TBC1D30: variants seen among roughly 807,000 people sequenced by gnomAD.
TBC1D30 encodes TBC1 domain family, member 30.
In TBC1D30, 31 loss-of-function variants were observed where a neutral mutation model predicts 63.2. The ratio of observed to expected loss-of-function variants is 0.49; its 90% CI spans 0.37 to 0.66. The LOEUF (loss-of-function observed/expected upper bound fraction) is 0.66, where lower values mean the gene tolerates loss of function less well. Ranked by LOEUF, TBC1D30 falls within the 30% of genes least tolerant of loss-of-function variation. The probability of loss-of-function intolerance (pLI) is 0.00; values close to 1 mark genes in which losing one functional copy is unlikely to be tolerated. For missense variants in TBC1D30, 810 were observed against 953.6 expected (o/e 0.85, Z 1.98); for synonymous variants, 307 against 361.5 (o/e 0.85, Z 1.71).
At chr12:64,842,253 G>C (rs906481936) in intron 7 of TBC1D30, among the ~76,000 whole-genome samples, 4 of 152,104 alleles carry the variant, frequency 2.6e-5, no homozygotes, top group African/African-American at 4.8e-5. Context: ...CAACTACTCG[G>C]GAGGCTGAGG....
rs186888433 is a variant in TBC1D30 at position 64,854,384 on chromosome 12, C to T, written c.1039-10284C>T. Among the ~76,000 whole-genome samples the T allele has an allele frequency of 8.0e-4, 122 of 152,242 alleles. No individual in the cohort carries two copies. The Middle Eastern group carries it at 0.014, about 17-fold the overall frequency. ...AACTAATAAAAACTCCATACTTTAA[C>T]TTTGTCCCTCTGCTTTTTAACTCCT... On this transcript the variant is annotated intron_variant, in intron 8 of 11. Transcript: ENST00000539867.
intron 8 of TBC1D30, among the ~76,000 whole-genome samples, chr12:64,853,052 A>T (rs537626128): frequency 6.6e-6 from 1 of 152,336 alleles, no homozygotes; most frequent in Non-Finnish European, 1.5e-5. Flanking sequence ...CAGAGCCAGC[A>T]GGGAGGAACA....
At chr12:64,854,805 CT>C (rs1248616858) in intron 8 of TBC1D30, among the ~76,000 whole-genome samples, 1 of 152,118 alleles carries the variant, frequency 6.6e-6, no homozygotes, top group African/African-American at 2.4e-5. Flanking sequence ...ATCATTTAGT[CT>C]TTCTACTTAG....
chr12:64,817,106 T>G (rs144023420), intron 2 of TBC1D30, among the ~76,000 whole-genome samples: 111 of 152,208 alleles, frequency 7.3e-4, no homozygotes, highest in Admixed American at 2.4e-3. Context: ...ACCAAGTGAG[T>G]GAGGGCACTA....
chr12:64,784,114 A>C (rs1871429446), intron 1 of TBC1D30, among the ~76,000 whole-genome samples: 3 of 151,794 alleles, frequency 2.0e-5, no homozygotes, highest in Non-Finnish European at 4.4e-5. Context: ...CTATGTTTAA[A>C]ATTAGGGGGA....
intron 8 of TBC1D30, among the ~76,000 whole-genome samples, chr12:64,856,248 G>GA (rs1259452899): frequency 6.6e-6 from 1 of 152,260 alleles, no homozygotes; most frequent in East Asian, 1.9e-4. Flanking sequence ...ATCACCAAGG[G>GA]AATGGCTCAA....
At chr12:64,870,851 A>C (rs1018812405) in intron 11 of TBC1D30, 43 bp downstream of exon 11, 1 of 1,525,148 alleles carries the variant, frequency 6.6e-7, no homozygotes, top group Non-Finnish European at 8.8e-7. Context: ...CTCTATCTCA[A>C]CTTGTAAAAT....
At position 64,845,464 on chromosome 12, in the gene TBC1D30, T is replaced by C. The variant is rs929169453; in HGVS notation, c.1038+1979T>C. Among the ~76,000 whole-genome samples, 4 of 152,084 alleles carry C rather than the reference T, an allele frequency of 2.6e-5. No homozygotes were observed. In the South Asian group the frequency reaches 6.3e-4, roughly 24 times the overall value. ...CCTGGGGGCTGAGCGCGGTGGCTCA[T>C]GCCTGTAATCCCAGCGCTTTGGGAG... On this transcript the variant is annotated intron_variant, in intron 8 of 11. Coordinates refer to ENST00000539867, the MANE Select transcript of TBC1D30 (RefSeq NM_015279.2).
At chr12:64,852,620 G>A (rs1407270591) in intron 8 of TBC1D30, among the ~76,000 whole-genome samples, 1 of 152,092 alleles carries the variant, frequency 6.6e-6, no homozygotes, top group Non-Finnish European at 1.5e-5. Flanking sequence ...CATTTTCATG[G>A]ATTTATCTAT....
At chr12:64,865,593 C>T (rs1878141855) in intron 9 of TBC1D30, among the ~76,000 whole-genome samples, 2 of 152,012 alleles carry the variant, frequency 1.3e-5, no homozygotes, top group Non-Finnish European at 2.9e-5. Context: ...TGGTGGCTCA[C>T]GCCCGTAATC....
At chr12:64,840,004 C>CAAAAAAAAAAAAAAAAAAAAAAAAAAAAA (rs60440376) in intron 7 of TBC1D30, among the ~76,000 whole-genome samples, 8 of 98,348 alleles carry the variant, frequency 8.1e-5, no homozygotes, top group African/African-American at 2.6e-4. Flanking sequence ...GACTCTGTCT[C>CAAAAAAAAAAAAAAAAAAAAAAAAAAAAA]AAAAAAAAAA....
chr12:64,851,100 C>T lies in TBC1D30; in HGVS notation c.1038+7615C>T, dbSNP rs144002366. Among the ~76,000 whole-genome samples, 135 of 152,118 alleles carry T rather than the reference C, an allele frequency of 8.9e-4. 1 individual carries two copies. The East Asian group carries it at 0.021, about 23-fold the overall frequency. On this transcript the variant is annotated intron_variant, in intron 8 of 11. Transcript: ENST00000539867. ...TCTCTGATGGTAGTTTGTGTTTCTG[C>T]GGGATCAGTGATGATATTTCCTGTA...
At chr12:64,843,633 T>G in intron 8 of TBC1D30, 148 bp downstream of exon 8, 1 of 608,766 alleles carries the variant, frequency 1.6e-6, no homozygotes, top group Non-Finnish European at 2.9e-6. Context: ...TATAATTTGA[T>G]AAGAATCTAT....
intron 5 of TBC1D30, among the ~76,000 whole-genome samples, chr12:64,835,255 A>G (rs1256984008): frequency 6.6e-6 from 1 of 152,206 alleles, no homozygotes; most frequent in Non-Finnish European, 1.5e-5. Flanking sequence ...ACAGCAAAGG[A>G]GAGGGTCCTC....
chr12:64,772,980 T>G (rs1870959711), intron 1 of TBC1D30, among the ~76,000 whole-genome samples: 3 of 152,376 alleles, frequency 2.0e-5, no homozygotes, highest in Admixed American at 2.0e-4. Flanking sequence ...ACAATTCCTG[T>G]AAGCATCATG....
chr12:64,834,108 C>T (rs1875112419), intron 5 of TBC1D30, among the ~76,000 whole-genome samples: 1 of 152,090 alleles, frequency 6.6e-6, no homozygotes. Flanking sequence ...AAAATGGGCT[C>T]CATGCAATGA....
At chr12:64,805,932 C>T (rs1405872287) in intron 2 of TBC1D30, among the ~76,000 whole-genome samples, 1 of 152,158 alleles carries the variant, frequency 6.6e-6, no homozygotes, top group African/African-American at 2.4e-5. Context: ...AACATAACAG[C>T]TTTCCTGGGG....
chr12:64,793,658 C>T (rs996422592), intron 2 of TBC1D30, among the ~76,000 whole-genome samples: 1 of 152,146 alleles, frequency 6.6e-6, no homozygotes, highest in Non-Finnish European at 1.5e-5. Flanking sequence ...AAGACTCCAT[C>T]TCTAAAAAAC....
chr12:64,878,147 C>A lies in TBC1D30; in HGVS notation c.*2359C>A. 4.6e-6 allele frequency: 1 copy of A among 215,586 alleles called. No individual in the cohort carries two copies. The highest frequency in any genetic ancestry group is 7.3e-5 in the South Asian group (1 of 13,610). The allele number at this position is 215,586 out of a possible 1,614,324, so 13.4% of individuals were successfully genotyped here. ...TAATAGTCCTCTGAGGTAAAAATGG[C>A]CTTGTCAGAATTTTGAAAATCCAAC... On this transcript the variant is annotated 3_prime_UTR_variant, in exon 12 of 12. Transcript: ENST00000539867.
Sources: gnomAD v4.1 joint callset for allele counts (sites outside exome capture counted in the v4.1 genomes callset) on GRCh38, gnomAD v4.1.1 for gene constraint, MANE v1.5 for transcripts, NCBI Gene and HGNC (gene_info 2026-07-23, HGNC 2026-07-21) for gene names.